Variants in LAIR1 observed in about 807,000 individuals in gnomAD.
LAIR1 encodes leukocyte-associated immunoglobulin-like receptor 1.
Under a neutral mutation model 32.8 loss-of-function variants are expected in LAIR1, and 24 were observed. The ratio of observed to expected loss-of-function variants is 0.73; its 90% CI spans 0.53 to 1.03. LAIR1 has a LOEUF of 1.03. Among genes scored for constraint, LAIR1 ranks in the 50% least tolerant of loss-of-function variants. The pLI is 0.00. For synonymous variants in LAIR1, 150 were observed against 140.5 expected, an observed-to-expected ratio of 1.07 and a Z score of -0.48; for missense variants, 355 against 347.5, an observed-to-expected ratio of 1.02 and a Z score of -0.17.
chr19:54,364,167 G>C lies in LAIR1; in HGVS notation c.70+128C>G. On this transcript the variant is annotated intron_variant, in intron 2 of 9. Transcript: ENST00000391742. The surrounding 1 kb of genome is among the most constrained non-coding windows in gnomAD (Gnocchi z 4.8). ...TTGGTTATGCATTTTACATTTGGAA[G>C]AGTTTGCAATCTAGGGTATATTTAA... 9.0e-7 allele frequency: 1 copy of C among 1,106,522 alleles called. No homozygotes were observed. 68.5% of individuals were successfully genotyped at this position (1,106,522 alleles called of 1,614,324 possible).
At position 54,360,976 on chromosome 19, in the gene LAIR1, T is replaced by G. The variant is rs144818899; in HGVS notation, c.304A>C (p.Ile102Leu). The G allele has an allele frequency of 3.1e-5, 50 of 1,614,160 alleles. No individual in the cohort carries two copies. Among genetic ancestry groups the G allele is most frequent in the African/African-American group, 2.0e-4 (15 of 75,038 alleles). The change falls in exon 3 of 10, where the codon ATC becomes CTC. Residue 102 changes from isoleucine to leucine, a missense_variant. By Grantham distance (5) the Ile-to-Leu change is conservative. Transcript: ENST00000391742. ...GACCATTTAGGGGGCTTATAATAGA[T>G]GCAGCGATAAAGCCCGGCATTTCCT... ...REGNAGLYRC[I>L]YYKPPKWSEQ... is the part of the protein sequence containing the mutation.
Position 54,355,080 on chromosome 19 carries a change from C to T in LAIR1, c.*188G>A, listed in dbSNP as rs2122307686. ...GGAGCTGCTCGATTGTAGAAGGGAC[C>T]ACCTGGCTAACGAACCTTCTGGATG... On this transcript the variant is annotated 3_prime_UTR_variant, in exon 10 of 10. Transcript: ENST00000391742. This position sits in a 1 kb window ranked among gnomAD's most constrained non-coding sequence, Gnocchi z 4.7. The T allele has an allele frequency of 1.8e-6, 1 of 565,818 alleles. No individual in the cohort carries two copies. Among genetic ancestry groups the T allele is most frequent in the East Asian group, 3.0e-5 (1 of 32,842 alleles). 35.0% of individuals were successfully genotyped at this position (565,818 alleles called of 1,614,324 possible). A position where few individuals can be genotyped will look rare whatever the true frequency, so the allele number is the denominator to read the frequency against.
the LAIR1 span, among the ~76,000 whole-genome samples, chr19:54,375,667 A>G: frequency 0.26 from 39,412 of 151,014 alleles, 5,807 homozygotes; most frequent in African/African-American, 0.4. Context: ...CACAATATAC[A>G]ACCTTCGATG....
intron 4 of LAIR1, among the ~76,000 whole-genome samples, chr19:54,359,247 C>T (rs2081888105): frequency 6.6e-6 from 1 of 151,770 alleles, no homozygotes; most frequent in Admixed American, 6.5e-5. Context: ...GGGGAAGGGG[C>T]CGCGAATGGC....
chr19:54,355,487 T>A lies in LAIR1; in HGVS notation c.718-73A>T. On this transcript the variant is annotated intron_variant, in intron 9 of 9. Transcript: ENST00000391742. The surrounding 1 kb of genome is among the most constrained non-coding windows in gnomAD (Gnocchi z 4.7). Reference sequence around the variant, plus strand: ...ACGAGGGGCTGTGGGGAGGGAGGGCTGTGGCGGCCATCTCCATGGGCCCTG... The same window carrying A: ...ACGAGGGGCTGTGGGGAGGGAGGGCAGTGGCGGCCATCTCCATGGGCCCTG... 1 of 1,390,348 alleles carries A rather than the reference T, an allele frequency of 7.2e-7. No individual in the cohort carries two copies. The highest frequency in any genetic ancestry group is 2.4e-5 in the East Asian group (1 of 42,124). The allele number at this position is 1,390,348 out of a possible 1,614,324, so 86.1% of individuals were successfully genotyped here.
chr19:54,365,986 A>G (rs1209603557), upstream of LAIR1, among the ~76,000 whole-genome samples: 1 of 152,216 alleles, frequency 6.6e-6, no homozygotes. Flanking sequence ...AACACGGACG[A>G]AACCTGAGGA....
intron 2 of LAIR1, among the ~76,000 whole-genome samples, chr19:54,363,714 C>A (rs184024161): frequency 6.6e-6 from 1 of 152,160 alleles, no homozygotes; most frequent in African/African-American, 2.4e-5. Flanking sequence ...ACAATTACTG[C>A]GCGTTCTCAC....
chr19:54,355,196 C>G lies in LAIR1; in HGVS notation c.*72G>C. ...GAAGAGGAATCCAACAGGAAGCCTT[C>G]CAAATGGCTGCTTCAGGCTTTTCCT... On this transcript the variant is annotated 3_prime_UTR_variant, in exon 10 of 10. Coordinates refer to ENST00000391742, the MANE Select transcript of LAIR1 (RefSeq NM_002287.6). The surrounding 1 kb of genome is among the most constrained non-coding windows in gnomAD (Gnocchi z 4.7). 7.1e-7 allele frequency: 1 copy of G among 1,413,170 alleles called. No homozygotes were observed. Among genetic ancestry groups the G allele is most frequent in the South Asian group, 1.4e-5 (1 of 71,720 alleles). The allele number at this position is 1,413,170 out of a possible 1,614,324, so 87.5% of individuals were successfully genotyped here.
chr19:54,360,682 G>C (rs1375794120), intron 3 of LAIR1: 1 of 565,828 alleles, frequency 1.8e-6, no homozygotes, highest in East Asian at 2.8e-5. Context: ...AGATGCTGGA[G>C]CTGAGTGTCC....
chr19:54,356,903 A>C, intron 5 of LAIR1, 25 bp downstream of exon 5: 1 of 1,613,532 alleles, frequency 6.2e-7, no homozygotes, highest in African/African-American at 1.3e-5. Context: ...CACCAGCTTC[A>C]TGCTCCACGG....
Position 54,364,919 on chromosome 19 carries a change from T to A in LAIR1, c.-115A>T. On this transcript the variant is annotated 5_prime_UTR_variant, in exon 1 of 10. The change creates a new upstream start codon in the 5' untranslated region. Coordinates refer to ENST00000391742, the MANE Select transcript of LAIR1 (RefSeq NM_002287.6). The surrounding 1 kb of genome is among the most constrained non-coding windows in gnomAD (Gnocchi z 4.8). ...CCCGGGGGCCTCCTGCCTATGGGGC[T>A]TCCACAGCAACTGCCTCACACAAGA... 1.3e-6 allele frequency: 2 copies of A among 1,595,170 alleles called. No homozygotes were observed. Among genetic ancestry groups the A allele is most frequent in the Non-Finnish European group, 1.7e-6 (2 of 1,170,284 alleles).
intron 4 of LAIR1, among the ~76,000 whole-genome samples, chr19:54,359,194 G>A (rs1045868193): frequency 1.5e-4 from 22 of 150,582 alleles, no homozygotes; most frequent in African/African-American, 5.2e-4. Flanking sequence ...GGCAGTCACC[G>A]GGTCTAGGTC....
chr19:54,375,902 A>G, the LAIR1 span, among the ~76,000 whole-genome samples: 1 of 151,890 alleles, frequency 6.6e-6, no homozygotes, highest in African/African-American at 2.4e-5. Flanking sequence ...GCCTTGAAAT[A>G]CCTGCAGTTT....
chr19:54,353,741 C>CT lies in LAIR1; in HGVS notation c.*1526dup, dbSNP rs1421698996. The CT allele has an allele frequency of 0.028, 4,275 of 151,248 alleles. 168 individuals carry two copies. Among genetic ancestry groups the CT allele is most frequent in the African/African-American group, 0.095 (3,923 of 41,112 alleles). The allele number at this position is 151,248 out of a possible 1,614,324, so 9.4% of individuals were successfully genotyped here. On this transcript the variant is annotated 3_prime_UTR_variant, in exon 10 of 10. Coordinates refer to ENST00000391742, the MANE Select transcript of LAIR1 (RefSeq NM_002287.6). ...TTCTTAAAAATCTTTCTTTTCTTTT[C>CT]TTTTCTTTTTTGACGGAGTCTCGCT... is the stretch of plus-strand genomic sequence containing the variant.
rs1346690386 is a variant in LAIR1 at position 54,352,238 on chromosome 19, C to T, written c.*3030G>A. 4 of 153,782 alleles carry T rather than the reference C, an allele frequency of 2.6e-5. No homozygotes were observed. The highest frequency in any genetic ancestry group is 5.9e-5 in the Non-Finnish European group (4 of 68,154). The allele number at this position is 153,782 out of a possible 1,614,324, so 9.5% of individuals were successfully genotyped here. On this transcript the variant is annotated 3_prime_UTR_variant, in exon 10 of 10. Coordinates refer to ENST00000391742, the MANE Select transcript of LAIR1 (RefSeq NM_002287.6). ...CTTTCACGTTGGGCCCCACTGCAGC[C>T]TCCTGGTGTTCACCGCCAGGGCACA...
At chr19:54,360,708 TC>T in intron 3 of LAIR1, 1 of 594,788 alleles carries the variant, frequency 1.7e-6, no homozygotes, top group Non-Finnish European at 3.0e-6. Context: ...ATCCGTGGCG[TC>T]CAGAGGAGAC....
At chr19:54,362,519 C>A (rs1417630831) in intron 2 of LAIR1, among the ~76,000 whole-genome samples, 1 of 152,216 alleles carries the variant, frequency 6.6e-6, no homozygotes, top group African/African-American at 2.4e-5. Context: ...GAGTCTTGCT[C>A]TGTCACCCAG....
intron 2 of LAIR1, among the ~76,000 whole-genome samples, chr19:54,362,471 A>G (rs1013314898): frequency 2.0e-5 from 3 of 152,188 alleles, no homozygotes; most frequent in Non-Finnish European, 4.4e-5. Flanking sequence ...ACCGGTATTG[A>G]TCAAAGAATT....
In LAIR1 at chr19:54,356,632, G is replaced by T; in HGVS notation, c.455-13C>A. On this transcript the variant is annotated splice_polypyrimidine_tract_variant and intron_variant, in intron 5 of 9. Coordinates refer to ENST00000391742, the MANE Select transcript of LAIR1 (RefSeq NM_002287.6). ...GAAGCAGGTGCATCTAAGAAAGACA[G>T]AAACAGGATTTCAGCAGTGTGCATT... 1 of 1,613,188 alleles carries T rather than the reference G, an allele frequency of 6.2e-7. No homozygotes were observed.
Sources: allele counts gnomAD v4.1 joint callset (sites outside exome capture counted in the v4.1 genomes callset), GRCh38; gene constraint gnomAD v4.1.1; non-coding constraint Gnocchi (gnomAD v3.1); transcripts MANE v1.5; gene names NCBI Gene and HGNC (gene_info 2026-07-23, HGNC 2026-07-21).